The following BCAS3 variants were observed in gnomAD, a reference collection of about 807,000 sequenced individuals.
The protein encoded by BCAS3 is BCAS3 microtubule associated cell migration factor, also known as BCAS4/BCAS3 fusion.
Under a neutral mutation model 116.1 loss-of-function variants are expected in BCAS3, and 53 were observed. That is an observed-to-expected ratio of 0.46 (90% CI 0.37 to 0.57). The LOEUF is 0.57. Ranked by LOEUF, BCAS3 falls within the 20% of genes least tolerant of loss-of-function variation. The probability of loss-of-function intolerance (pLI) is 0.00; values close to 1 mark genes in which losing one functional copy is unlikely to be tolerated. For missense variants in BCAS3, 917 were observed against 1,165.4 expected, an observed-to-expected ratio of 0.79 and a Z score of 3.10; for synonymous variants, 391 against 408.2, an observed-to-expected ratio of 0.96 and a Z score of 0.51.
Position 61,118,944 on chromosome 17 carries a change from C to T in BCAS3, c.2425+34380C>T, listed in dbSNP as rs550350278. Reference sequence around the variant, plus strand: ...GCATTTTGCTTTTTAAATTATCTTCCAAAACGTTGACAGTTTCTGTGTTTG... The same window carrying T: ...GCATTTTGCTTTTTAAATTATCTTCTAAAACGTTGACAGTTTCTGTGTTTG... On this transcript the variant is annotated intron_variant, in intron 22 of 23. Transcript: ENST00000407086. This position sits in a 1 kb window ranked among gnomAD's most constrained non-coding sequence, Gnocchi z 5.0. Among the ~76,000 whole-genome samples, 1 of 152,018 alleles carries T rather than the reference C, an allele frequency of 6.6e-6. No individual in the cohort carries two copies. The highest frequency in any genetic ancestry group is 1.5e-5 in the Non-Finnish European group (1 of 67,984).
rs188994765 is a variant in BCAS3, at chr17:60,715,875, T to G, written c.321+6550T>G. On this transcript the variant is annotated intron_variant, in intron 5 of 23. Transcript: ENST00000407086. ...GAAGTTATTTTTTATTTTATTTTAT[T>G]TTTTTGAGATGGAGTCTTGCTCTGT... Among the ~76,000 whole-genome samples, 322 of 152,144 alleles carry G rather than the reference T, an allele frequency of 2.1e-3. 4 individuals carry two copies. Among genetic ancestry groups the G allele is most frequent in the African/African-American group, 7.3e-3 (303 of 41,472 alleles).
Position 61,007,016 on chromosome 17 carries a change from G to A in BCAS3, c.1487-8735G>A, listed in dbSNP as rs1376216917. 6.6e-6 allele frequency among the ~76,000 whole-genome samples: 1 copy of A among 151,932 alleles called. No individual in the cohort carries two copies. Among genetic ancestry groups the A allele is most frequent in the Non-Finnish European group, 1.5e-5 (1 of 67,974 alleles). ...TAAACTTTCTTCATTCCAAAATCTT[G>A]GAGTGCTCTAAGAATAATAAGTAAT... On this transcript the variant is annotated intron_variant, in intron 15 of 23. Transcript: ENST00000407086. This position sits in a 1 kb window ranked among gnomAD's most constrained non-coding sequence, Gnocchi z 4.3.
At chr17:60,727,008 G>T (rs976037562) in intron 5 of BCAS3, among the ~76,000 whole-genome samples, 1 of 151,344 alleles carries the variant, frequency 6.6e-6, no homozygotes, top group Non-Finnish European at 1.5e-5. Flanking sequence ...TATTTAACTA[G>T]GTCAAGTTCT....
At chr17:61,257,087 T>C (rs1053093404) in intron 22 of BCAS3, among the ~76,000 whole-genome samples, 1 of 152,172 alleles carries the variant, frequency 6.6e-6, no homozygotes, top group Non-Finnish European at 1.5e-5. Flanking sequence ...ATTTTGCTGA[T>C]AAGGCTTAGG....
rs2057532526 is a variant in BCAS3 at position 61,346,914 on chromosome 17, G to A, written c.2426-21413G>A. 6.6e-6 allele frequency among the ~76,000 whole-genome samples: 1 copy of A among 152,206 alleles called. No homozygotes were observed. The highest frequency in any genetic ancestry group is 1.5e-5 in the Non-Finnish European group (1 of 68,044). On this transcript the variant is annotated intron_variant, in intron 22 of 23. Coordinates refer to ENST00000407086, the MANE Select transcript of BCAS3 (RefSeq NM_017679.5). The surrounding 1 kb of genome is among the most constrained non-coding windows in gnomAD (Gnocchi z 5.4). Reference sequence around the variant, plus strand: ...TGGGCTAAGTCTCAAATCTGCAGAAGGCAGTTCGTCATGTCACTTGGTCAC... The same window carrying A: ...TGGGCTAAGTCTCAAATCTGCAGAAAGCAGTTCGTCATGTCACTTGGTCAC...
At chr17:61,102,839 A>G (rs2074410234) in intron 22 of BCAS3, among the ~76,000 whole-genome samples, 1 of 152,130 alleles carries the variant, frequency 6.6e-6, no homozygotes, top group African/African-American at 2.4e-5. Flanking sequence ...ATTAAATGTC[A>G]GTTGTCACCA....
chr17:61,044,465 A>AAAAAAAAAAATATATATAT lies in BCAS3; in HGVS notation c.2029+3574_2029+3575insAAAAAAAAATATATATATA. Reference sequence around the variant, plus strand: ...CTGTCTCAAAAAAAAAAAAAAAAAAAATATATATATATATGCCATAAGAAC... The same window carrying AAAAAAAAAAATATATATAT: ...CTGTCTCAAAAAAAAAAAAAAAAAAAAAAAAAAAAATATATATATATATATATATATATGCCATAAGAAC... On this transcript the variant is annotated intron_variant, in intron 19 of 23. Transcript: ENST00000407086. Among the ~76,000 whole-genome samples, 118 of 120,036 alleles carry AAAAAAAAAAATATATATAT rather than the reference A, an allele frequency of 9.8e-4. 1 individual carries two copies. Among genetic ancestry groups the AAAAAAAAAAATATATATAT allele is most frequent in the African/African-American group, 5.0e-3 (99 of 19,982 alleles). The allele number at this position is 120,036 out of a possible 152,430, so 78.7% of individuals were successfully genotyped here. A position where few individuals can be genotyped will look rare whatever the true frequency, so the allele number is the denominator to read the frequency against.
In BCAS3 at chr17:61,327,100, T is replaced by C. The variant is rs1363468018; in HGVS notation, c.2426-41227T>C. ...GTAGGCAGATCATGAGGTCAAGAGA[T>C]TGAGACCACCTGGCCAACATGGTGA... On this transcript the variant is annotated intron_variant, in intron 22 of 23. Transcript: ENST00000407086. The surrounding 1 kb of genome is among the most constrained non-coding windows in gnomAD (Gnocchi z 5.9). Among the ~76,000 whole-genome samples the C allele has an allele frequency of 6.6e-6, 1 of 152,030 alleles. No homozygotes were observed. The highest frequency in any genetic ancestry group is 1.5e-5 in the Non-Finnish European group (1 of 67,988).
intron 7 of BCAS3, among the ~76,000 whole-genome samples, chr17:60,860,487 C>G (rs1014049277): frequency 2.6e-5 from 4 of 152,068 alleles, no homozygotes; most frequent in African/African-American, 9.7e-5. Context: ...AATTAAGTAC[C>G]ACTTGTCAAT....
At chr17:61,172,960 C>G (rs997545533) in intron 22 of BCAS3, among the ~76,000 whole-genome samples, 6 of 150,700 alleles carry the variant, frequency 4.0e-5, no homozygotes, top group Non-Finnish European at 7.4e-5. Context: ...TGCACTCCAG[C>G]CTGGGCGACA....
At chr17:61,081,446 TTAATAA>T (rs1220942010) in intron 21 of BCAS3, among the ~76,000 whole-genome samples, 4 of 152,212 alleles carry the variant, frequency 2.6e-5, no homozygotes, top group Non-Finnish European at 5.9e-5. Flanking sequence ...TTTCCCTTTG[TTAATAA>T]TAATAAATAA....
intron 22 of BCAS3, among the ~76,000 whole-genome samples, chr17:61,331,693 A>G (rs982025266): frequency 3.9e-5 from 6 of 152,250 alleles, no homozygotes; most frequent in African/African-American, 1.4e-4. Flanking sequence ...TTCAAATAAT[A>G]TAATCCTTCC....
intron 22 of BCAS3, among the ~76,000 whole-genome samples, chr17:61,179,874 C>CTTTTT (rs5821309): frequency 4.8e-5 from 6 of 124,508 alleles, no homozygotes; most frequent in Admixed American, 8.7e-5. Flanking sequence ...CTCTCTCTCT[C>CTTTTT]TTTTTTTTTT....
At chr17:60,718,799 C>A (rs760510030) in intron 5 of BCAS3, among the ~76,000 whole-genome samples, 1 of 152,076 alleles carries the variant, frequency 6.6e-6, no homozygotes, top group African/African-American at 2.4e-5. Context: ...CTGTGGCTCA[C>A]GCCTGTAATC....
At chr17:60,752,570 C>T (rs972954041) in intron 6 of BCAS3, among the ~76,000 whole-genome samples, 1 of 151,932 alleles carries the variant, frequency 6.6e-6, no homozygotes, top group Admixed American at 6.6e-5. Flanking sequence ...ACTACAGGCG[C>T]CCTCCACCAT....
At chr17:60,821,335 TAC>T (rs2049949608) in intron 7 of BCAS3, among the ~76,000 whole-genome samples, 2 of 152,184 alleles carry the variant, frequency 1.3e-5, no homozygotes, top group African/African-American at 4.8e-5. Context: ...AGGTCATACA[TAC>T]ATACATACAT....
In BCAS3 at chr17:61,037,438, T is replaced by C. The variant is rs1197694324; in HGVS notation, c.1763-451T>C. 6.6e-6 allele frequency among the ~76,000 whole-genome samples: 1 copy of C among 152,230 alleles called. No homozygotes were observed. Among genetic ancestry groups the C allele is most frequent in the Admixed American group, 6.5e-5 (1 of 15,284 alleles). On this transcript the variant is annotated intron_variant, in intron 17 of 23. Coordinates refer to ENST00000407086, the MANE Select transcript of BCAS3 (RefSeq NM_017679.5). The surrounding 1 kb of genome is among the most constrained non-coding windows in gnomAD (Gnocchi z 4.7). ...TTTCATATTCACTAGCATGTGCTTA[T>C]ACGAGGCAACCTTTAGGCAAGGAAC...
intron 5 of BCAS3, among the ~76,000 whole-genome samples, chr17:60,721,514 G>A (rs773524778): frequency 3.3e-5 from 5 of 152,104 alleles, no homozygotes; most frequent in Non-Finnish European, 7.4e-5. Context: ...CCCTGTGTGC[G>A]AATAGTGGCG....
intron 13 of BCAS3, among the ~76,000 whole-genome samples, chr17:60,936,254 A>G (rs1599804141): frequency 6.7e-6 from 1 of 149,060 alleles, no homozygotes; most frequent in African/African-American, 2.5e-5. Context: ...AATCCAGTCT[A>G]TCATTGTTGG....
Sources: gnomAD v4.1 joint callset for allele counts (sites outside exome capture counted in the v4.1 genomes callset) on GRCh38, gnomAD v4.1.1 for gene constraint, Gnocchi (gnomAD v3.1) non-coding constraint, MANE v1.5 for transcripts, NCBI Gene and HGNC (gene_info 2026-07-23, HGNC 2026-07-21) for gene names.